CCDC175: variants seen among roughly 807,000 people sequenced by gnomAD.
The protein encoded by CCDC175 is coiled-coil domain-containing protein 175.
In CCDC175, 100 loss-of-function variants were observed where a neutral mutation model predicts 114.6. The ratio of observed to expected loss-of-function variants is 0.87; its 90% CI spans 0.74 to 1.03. CCDC175 has a LOEUF of 1.03. CCDC175 is among the 50% of genes least tolerant of loss of function. The pLI is 0.00. For missense variants in CCDC175, 880 were observed against 917.8 expected (o/e 0.96, Z 0.53); for synonymous variants, 306 against 308.7 (o/e 0.99, Z 0.09).
intron 3 of CCDC175, among the ~76,000 whole-genome samples, chr14:59,570,349 G>T (rs975174284): frequency 6.6e-5 from 10 of 152,042 alleles, no homozygotes; most frequent in African/African-American, 2.2e-4. Flanking sequence ...GCTGAACATT[G>T]TGCCAGCTGG....
At chr14:59,547,525 G>A (rs1161956765) in intron 8 of CCDC175, among the ~76,000 whole-genome samples, 1 of 152,154 alleles carries the variant, frequency 6.6e-6, no homozygotes, top group Non-Finnish European at 1.5e-5. Flanking sequence ...AATGAATAGA[G>A]TCAACAATCC....
At chr14:59,572,967 A>G (rs1427192093) in intron 2 of CCDC175, among the ~76,000 whole-genome samples, 154 bp from the exon 3 acceptor site, 1 of 152,184 alleles carries the variant, frequency 6.6e-6, no homozygotes, top group African/African-American at 2.4e-5. Context: ...AACTGGGAAA[A>G]GTATCTACAA....
chr14:59,524,439 A>T (rs1566601882), intron 16 of CCDC175, among the ~76,000 whole-genome samples: 1 of 152,230 alleles, frequency 6.6e-6, no homozygotes. Context: ...AAAAGACTTG[A>T]ACAGTCACTT....
chr14:59,525,256 GA>G, intron 16 of CCDC175, 25 bp downstream of exon 16: 1 of 1,396,428 alleles, frequency 7.2e-7, no homozygotes, highest in Non-Finnish European at 9.3e-7. Flanking sequence ...AAGCCATCAT[GA>G]AAAGGATGGT....
chr14:59,564,020 C>T (rs1002491077), intron 5 of CCDC175, among the ~76,000 whole-genome samples, 161 bp from the exon 6 acceptor site: 2 of 152,050 alleles, frequency 1.3e-5, no homozygotes, highest in African/African-American at 4.8e-5. Context: ...CCAGGGTTTC[C>T]TTATTTTGCA....
chr14:59,519,782 T>C (rs1413162204), intron 17 of CCDC175, among the ~76,000 whole-genome samples: 1 of 152,192 alleles, frequency 6.6e-6, no homozygotes, highest in East Asian at 1.9e-4. Flanking sequence ...GCCTCAACCA[T>C]TAGCGTATTG....
intron 13 of CCDC175, 149 bp downstream of exon 13, chr14:59,537,874 A>C (rs2140026564): frequency 2.0e-6 from 1 of 506,160 alleles, no homozygotes; most frequent in East Asian, 4.0e-5. Context: ...CTCTTCAGGA[A>C]AAGAAGAAAG....
intron 17 of CCDC175, among the ~76,000 whole-genome samples, chr14:59,516,909 A>C (rs111571232): frequency 0.018 from 2,768 of 152,270 alleles, 81 homozygotes; most frequent in African/African-American, 0.063. Flanking sequence ...ACATTGATGC[A>C]AAAATCCTCA....
chr14:59,539,668 C>T (rs1035042851), intron 11 of CCDC175, among the ~76,000 whole-genome samples: 10 of 152,086 alleles, frequency 6.6e-5, no homozygotes, highest in Non-Finnish European at 1.3e-4. Context: ...AATCCCAGCA[C>T]TTTGGGAGGC....
At chr14:59,552,687 G>A (rs1382444098) in intron 7 of CCDC175, among the ~76,000 whole-genome samples, 4 of 152,250 alleles carry the variant, frequency 2.6e-5, no homozygotes, top group African/African-American at 9.6e-5. Flanking sequence ...GAGGAAATTC[G>A]AACTCATCAC....
intron 14 of CCDC175, among the ~76,000 whole-genome samples, chr14:59,529,730 A>G (rs1293883169): frequency 1.3e-5 from 2 of 151,342 alleles, no homozygotes. Context: ...TCTTTTTCAG[A>G]AAAAAAAACC....
intron 13 of CCDC175, among the ~76,000 whole-genome samples, chr14:59,537,583 T>C (rs891193325): frequency 6.6e-6 from 1 of 152,114 alleles, no homozygotes; most frequent in Non-Finnish European, 1.5e-5. Flanking sequence ...TCTGGGTACT[T>C]TCAGTGGCTT....
intron 14 of CCDC175, among the ~76,000 whole-genome samples, chr14:59,528,749 C>G (rs779781701): frequency 3.3e-5 from 5 of 151,854 alleles, no homozygotes; most frequent in Non-Finnish European, 5.9e-5. Flanking sequence ...TCTCCTTTTC[C>G]TCATCTCTTT....
chr14:59,568,521 C>T, intron 3 of CCDC175, 141 bp from the exon 4 acceptor site: 1 of 635,576 alleles, frequency 1.6e-6, no homozygotes, highest in Non-Finnish European at 2.5e-6. Flanking sequence ...CTTGGTCCCT[C>T]TCAATCTTAC....
intron 17 of CCDC175, among the ~76,000 whole-genome samples, chr14:59,517,815 A>T (rs895045441): frequency 6.6e-6 from 1 of 152,156 alleles, no homozygotes; most frequent in Admixed American, 6.5e-5. Flanking sequence ...AATTGGAAAA[A>T]ACTACTTTAA....
intron 17 of CCDC175, among the ~76,000 whole-genome samples, chr14:59,514,482 G>T (rs1485130278): frequency 6.6e-6 from 1 of 152,182 alleles, no homozygotes; most frequent in Non-Finnish European, 1.5e-5. Context: ...GGACCTGATG[G>T]AGCTGAAAAA....
chr14:59,569,449 C>G (rs1270374292), intron 3 of CCDC175, among the ~76,000 whole-genome samples: 1 of 152,142 alleles, frequency 6.6e-6, no homozygotes. Flanking sequence ...CAAGGACTTA[C>G]GACATAAGGC....
At chr14:59,513,252 C>T (rs1010251415) in intron 17 of CCDC175, among the ~76,000 whole-genome samples, 11 of 152,254 alleles carry the variant, frequency 7.2e-5, no homozygotes, top group Admixed American at 3.3e-4. Context: ...ACGCAGAAGA[C>T]GGGTGATTTC....
chr14:59,543,690 C>T (rs1894929468), intron 9 of CCDC175, among the ~76,000 whole-genome samples: 1 of 152,110 alleles, frequency 6.6e-6, no homozygotes, highest in Non-Finnish European at 1.5e-5. Context: ...GATGGGGTTT[C>T]CCTGTGTTGC....
Sources: gnomAD v4.1 joint callset for allele counts (sites outside exome capture counted in the v4.1 genomes callset) on GRCh38, gnomAD v4.1.1 for gene constraint, MANE v1.5 for transcripts, NCBI Gene and HGNC (gene_info 2026-07-23, HGNC 2026-07-21) for gene names.